Variants in ACVRL1 observed in about 807,000 individuals in gnomAD.
ACVRL1 encodes activin A receptor like type 1.
A neutral mutation model predicts 51.9 loss-of-function variants in ACVRL1; 20 were observed. That is an observed-to-expected ratio of 0.39 (90% CI 0.27 to 0.56). The LOEUF is 0.56. Ranked by LOEUF, ACVRL1 falls within the 20% of genes least tolerant of loss-of-function variation. The pLI is 0.67. For missense variants in ACVRL1, 451 were observed against 670.3 expected, an observed-to-expected ratio of 0.67 and a Z score of 3.61; for synonymous variants, 288 against 280.9, an observed-to-expected ratio of 1.03 and a Z score of -0.25.
Position 51,920,669 on chromosome 12 carries a change from C to T in ACVRL1, c.1378-90C>T, listed in dbSNP as rs1940951927. The T allele has an allele frequency of 5.5e-6, 8 of 1,458,550 alleles. No homozygotes were observed. The South Asian group carries it at 8.4e-5, about 15-fold the overall frequency. 90.4% of individuals were successfully genotyped at this position (1,458,550 alleles called of 1,614,324 possible). A position where few individuals can be genotyped will look rare whatever the true frequency, so the allele number is the denominator to read the frequency against. On this transcript the variant is annotated intron_variant, in intron 9 of 9. Coordinates refer to ENST00000388922, the MANE Select transcript of ACVRL1 (RefSeq NM_000020.3). Reference sequence around the variant, plus strand: ...TCTTCTTCCCATCTTCTCTGACCCACCTCCCTCTGCATCTCTCTCCCGACC... The same window carrying T: ...TCTTCTTCCCATCTTCTCTGACCCATCTCCCTCTGCATCTCTCTCCCGACC...
In ACVRL1 at chr12:51,915,216, T is replaced by G. The variant is rs1207436596; in HGVS notation, c.773-9T>G. The G allele has an allele frequency of 6.2e-7, 1 of 1,613,732 alleles. No homozygotes were observed. The highest frequency in any genetic ancestry group is 1.1e-5 in the South Asian group (1 of 91,076). ...CCTTGGCTGAGTCACCCAACCTTTC[T>G]GCACACAGGCTTCATCGCCTCAGAC... On this transcript the variant is annotated splice_polypyrimidine_tract_variant and intron_variant, in intron 6 of 9. Coordinates refer to ENST00000388922, the MANE Select transcript of ACVRL1 (RefSeq NM_000020.3).
chr12:51,919,899 C>T (rs968238681), intron 9 of ACVRL1, among the ~76,000 whole-genome samples: 6 of 152,200 alleles, frequency 3.9e-5, no homozygotes, highest in Admixed American at 6.5e-5. Flanking sequence ...GGACAAAGAA[C>T]GTGTCTTTTG....
In ACVRL1 at chr12:51,921,727, CTTTTTTCCTTCTTTTT is replaced by C. The variant is rs1355784212; in HGVS notation, c.*841_*856del. 1 of 151,406 alleles carries C rather than the reference CTTTTTTCCTTCTTTTT, an allele frequency of 6.6e-6. No individual in the cohort carries two copies. The highest frequency in any genetic ancestry group is 1.5e-5 in the Non-Finnish European group (1 of 68,082). 9.4% of individuals were successfully genotyped at this position (151,406 alleles called of 1,614,324 possible). On this transcript the variant is annotated 3_prime_UTR_variant, in exon 10 of 10. Coordinates refer to ENST00000388922, the MANE Select transcript of ACVRL1 (RefSeq NM_000020.3). Reference sequence around the variant, plus strand: ...GGCCTGTCTCAGGACCTTTTCTTTTCTTTTTTCCTTCTTTTTTTTTTTGACACGGAGTTTCGCTCTT... The same window carrying C: ...GGCCTGTCTCAGGACCTTTTCTTTTCTTTTTTGACACGGAGTTTCGCTCTT...
At chr12:51,910,204 G>A (rs1038467919) in intron 1 of ACVRL1, among the ~76,000 whole-genome samples, 1 of 152,162 alleles carries the variant, frequency 6.6e-6, no homozygotes, top group East Asian at 1.9e-4. Flanking sequence ...GTGTCACCAC[G>A]TCCCAGCTTT....
chr12:51,913,768 G>C lies in ACVRL1; in HGVS notation c.523G>C (p.Gly175Arg), dbSNP rs938661817. The change falls in exon 4 of 10, where the codon GGG becomes CGG. Residue 175 changes from glycine (G) to arginine (R), a missense_variant and splice_region_variant. Gly to Arg is a moderately radical substitution (Grantham distance 125, BLOSUM62 -2). Coordinates refer to ENST00000388922, the MANE Select transcript of ACVRL1 (RefSeq NM_000020.3). Reference protein sequence around the residue: ...KASEQGDSMLGDLLDSDCTTG... With the variant: ...KASEQGDSMLRDLLDSDCTTG... Reference sequence around the variant, plus strand: ...ATCTGAGCAGGGCGACAGCATGTTGGGGGTATGGGCCTGGGGACCTGGGAC... The same window carrying C: ...ATCTGAGCAGGGCGACAGCATGTTGCGGGTATGGGCCTGGGGACCTGGGAC... The C allele has an allele frequency of 1.1e-5, 18 of 1,611,226 alleles. No homozygotes were observed. In the African/African-American group the frequency reaches 1.2e-4, roughly 11 times the overall value.
intron 7 of ACVRL1, chr12:51,915,703 C>T (rs1186490072): frequency 2.0e-5 from 16 of 796,992 alleles, no homozygotes; most frequent in Non-Finnish European, 3.1e-5. Context: ...CATCCTGGCT[C>T]CAGGAGTTGG....
chr12:51,919,215 A>G (rs1940912290), intron 9 of ACVRL1, 100 bp downstream of exon 9: 1 of 1,565,382 alleles, frequency 6.4e-7, no homozygotes, highest in African/African-American at 1.4e-5. Context: ...TTCATCTCAT[A>G]GATACTGAGT....
chr12:51,908,198 G>A (rs1940631667), intron 1 of ACVRL1, among the ~76,000 whole-genome samples: 2 of 152,318 alleles, frequency 1.3e-5, no homozygotes, highest in Non-Finnish European at 2.9e-5. Context: ...CGCATGGTCA[G>A]TCACCTCCTT....
At chr12:51,918,397 A>G (rs1940892402) in intron 8 of ACVRL1, among the ~76,000 whole-genome samples, 1 of 152,230 alleles carries the variant, frequency 6.6e-6, no homozygotes, top group Admixed American at 6.5e-5. Context: ...TTCTTGGCTT[A>G]TAAAGTGGAG....
Position 51,916,090 on chromosome 12 carries a change from C to T in ACVRL1, c.1103C>T (p.Pro368Leu), listed in dbSNP as rs748123979. The change falls in exon 8 of 10, where the codon CCG becomes CTG. Residue 368 changes from proline (P) to leucine (L), a missense_variant. Pro to Leu is a moderately conservative substitution (Grantham distance 98, BLOSUM62 -3). Coordinates refer to ENST00000388922, the MANE Select transcript of ACVRL1 (RefSeq NM_000020.3). ...GSDYLDIGNNPRVGTKRYMAP... is the reference protein window; with the variant it reads ...GSDYLDIGNNLRVGTKRYMAP... ...GATTACCTGGACATCGGCAACAACCCGAGAGTGGGCACCAAGCGGTACATG... is the reference window on the plus strand; with the variant it reads ...GATTACCTGGACATCGGCAACAACCTGAGAGTGGGCACCAAGCGGTACATG... 3.8e-5 allele frequency: 61 copies of T among 1,613,308 alleles called. No individual in the cohort carries two copies. The highest frequency in any genetic ancestry group is 3.3e-4 in the Middle Eastern group (2 of 6,076).
At chr12:51,914,679 G>A in intron 6 of ACVRL1, 94 bp downstream of exon 6, 2 of 1,379,636 alleles carry the variant, frequency 1.4e-6, no homozygotes, top group Non-Finnish European at 2.0e-6. Context: ...ACAGAACCCT[G>A]AAGGACTCTC....
rs150140878 is a variant in ACVRL1, at chr12:51,916,148, G to A, written c.1161G>A (p.Thr387=). The stretch of plus-strand genomic sequence containing the variant: ...AGGTGCTGGACGAGCAGATCCGCAC[G>A]GACTGCTTTGAGTCCTACAAGTGGA... The part of the protein sequence containing the change: ...APEVLDEQIR[T]DCFESYKWTD... Residue 387 remains threonine (T), a synonymous_variant, in exon 8 of 10, where the codon ACG becomes ACA. Coordinates refer to ENST00000388922, the MANE Select transcript of ACVRL1 (RefSeq NM_000020.3). 116 of 1,614,186 alleles carry A rather than the reference G, an allele frequency of 7.2e-5. No individual in the cohort carries two copies. The highest frequency in any genetic ancestry group is 6.4e-4 in the South Asian group (58 of 91,078).
chr12:51,915,074 C>A (rs557353523), intron 6 of ACVRL1, 151 bp from the exon 7 acceptor site: 2 of 883,882 alleles, frequency 2.3e-6, no homozygotes, highest in African/African-American at 1.7e-5. Flanking sequence ...AGCTCTGTCT[C>A]TGACCTAAGC....
rs373401329 is a variant in ACVRL1 at position 51,913,127 on chromosome 12, G to A, written c.90G>A (p.Pro30=). Residue 30 remains proline, a synonymous_variant, in exon 3 of 10, where the codon CCG becomes CCA. Transcript: ENST00000388922. ...ACCCTGTGAAGCCGTCTCGGGGCCC[G>A]CTGGTGACCTGCACGTGTGAGAGCC... ...QGDPVKPSRG[P]LVTCTCESPH... 21 of 1,605,912 alleles carry A rather than the reference G, an allele frequency of 1.3e-5. No individual in the cohort carries two copies. Among genetic ancestry groups the A allele is most frequent in the Middle Eastern group, 2.2e-4 (1 of 4,480 alleles).
At chr12:51,913,012 G>A (rs1341770968) in intron 2 of ACVRL1, 87 bp from the exon 3 acceptor site, 17 of 1,540,182 alleles carry the variant, frequency 1.1e-5, no homozygotes, top group Admixed American at 7.7e-5. Context: ...GGGGTCAGAC[G>A]AGAGGGACAG....
Position 51,922,674 on chromosome 12 carries a change from G to A in ACVRL1, c.*1781G>A. ...AGCTTGAGGAATATAAGGAGCGGGG[G>A]TGGAGACTCAGGCTATGGACAAGGA... On this transcript the variant is annotated 3_prime_UTR_variant, in exon 10 of 10. Coordinates refer to ENST00000388922, the MANE Select transcript of ACVRL1 (RefSeq NM_000020.3). 6.6e-6 allele frequency: 1 copy of A among 152,588 alleles called. No individual in the cohort carries two copies. The highest frequency in any genetic ancestry group is 1.5e-5 in the Non-Finnish European group (1 of 68,154). The allele number at this position is 152,588 out of a possible 1,614,324, so 9.5% of individuals were successfully genotyped here.
intron 4 of ACVRL1, 65 bp from the exon 5 acceptor site, chr12:51,913,909 C>T (rs1036719709): frequency 8.8e-6 from 14 of 1,585,398 alleles, no homozygotes; most frequent in South Asian, 1.1e-5. Flanking sequence ...GGTCCCAGGT[C>T]GAGGATAGAG....
chr12:51,921,154 C>A lies in ACVRL1; in HGVS notation c.*261C>A. ...ACCCCTATGGCCAGCATGGTGCACC[C>A]CCTACCACTCCCGGGACAGGATGCA... On this transcript the variant is annotated 3_prime_UTR_variant, in exon 10 of 10. Coordinates refer to ENST00000388922, the MANE Select transcript of ACVRL1 (RefSeq NM_000020.3). The A allele has an allele frequency of 2.0e-6, 1 of 503,962 alleles. No individual in the cohort carries two copies. The highest frequency in any genetic ancestry group is 3.6e-6 in the Non-Finnish European group (1 of 276,138). The allele number at this position is 503,962 out of a possible 1,614,324, so 31.2% of individuals were successfully genotyped here.
Position 51,912,532 on chromosome 12 carries a change from C to G in ACVRL1, c.58C>G (p.Gln20Glu). ...LLMLLMALVT[Q>E]GDPVKPSRGP... ...GATGCTGCTGATGGCCTTGGTGACC[C>G]AGGGTGAGTACTGGGGGAGCAGTTA... is the stretch of plus-strand genomic sequence containing the variant. Residue 20 changes from glutamine to glutamate, a missense_variant, in exon 2 of 10, where the codon CAG becomes GAG. Transcript: ENST00000388922. 1 of 1,612,664 alleles carries G rather than the reference C, an allele frequency of 6.2e-7. No homozygotes were observed. The highest frequency in any genetic ancestry group is 8.5e-7 in the Non-Finnish European group (1 of 1,178,688).
Sources: gnomAD v4.1 joint callset for allele counts (sites outside exome capture counted in the v4.1 genomes callset) on GRCh38, gnomAD v4.1.1 for gene constraint, MANE v1.5 for transcripts, NCBI Gene and HGNC (gene_info 2026-07-23, HGNC 2026-07-21) for gene names.